NFIX: variants seen among roughly 807,000 people sequenced by gnomAD.
The protein encoded by NFIX is nuclear factor I X.
NFIX carries 2 observed loss-of-function variants against 53.3 expected under a neutral mutation model. The ratio of observed to expected loss-of-function variants is 0.04; its 90% confidence interval spans 0.02 to 0.12. The LOEUF (loss-of-function observed/expected upper bound fraction) is 0.12. NFIX is among the 10% of genes least tolerant of loss of function. NFIX has a pLI of 1.00. For synonymous variants in NFIX, 244 were observed against 289.0 expected, an observed-to-expected ratio of 0.84 and a Z score of 1.58; for missense variants, 310 against 674.5, an observed-to-expected ratio of 0.46 and a Z score of 5.99.
rs542110004 is a variant in NFIX at position 13,081,528 on chromosome 19, T to A, written c.1079-152T>A. 4.4e-4 allele frequency among the ~76,000 whole-genome samples: 67 copies of A among 152,304 alleles called. No individual in the cohort carries two copies. The highest frequency in any genetic ancestry group is 1.2e-3 in the African/African-American group (50 of 41,540). Reference sequence around the variant, plus strand: ...CATGGATCCTGATGACTGACTTTTTTGTGCCGCCTTAACTTTTGTGCCTGT... The same window carrying A: ...CATGGATCCTGATGACTGACTTTTTAGTGCCGCCTTAACTTTTGTGCCTGT... On this transcript the variant is annotated intron_variant, in intron 7 of 10. Transcript: ENST00000592199. The surrounding 1 kb of genome is among the most constrained non-coding windows in gnomAD (Gnocchi z 4.7).
intron 1 of NFIX, among the ~76,000 whole-genome samples, chr19:13,020,400 G>C (rs986548909): frequency 6.6e-5 from 10 of 152,118 alleles, no homozygotes; most frequent in Admixed American, 2.6e-4. Context: ...TAGGAGGGGA[G>C]GAAGGGAGGG....
chr19:13,083,822 A>G (rs1291009482), intron 8 of NFIX, among the ~76,000 whole-genome samples: 1 of 152,242 alleles, frequency 6.6e-6, no homozygotes, highest in Non-Finnish European at 1.5e-5. Context: ...ACTGTGCTAC[A>G]CAAGAGGCTG....
rs757487874 is a variant in NFIX, at chr19:13,022,275, C to T, written c.28-2746C>T. On this transcript the variant is annotated intron_variant, in intron 1 of 10. Transcript: ENST00000592199. This position sits in a 1 kb window ranked among gnomAD's most constrained non-coding sequence, Gnocchi z 4.5. ...GAGCCGAGCTGTGTTGCGTTGGCAT[C>T]CCTCGTCACCGCTAATGGAGTGTGC... is the stretch of plus-strand genomic sequence containing the variant. 1.3e-5 allele frequency among the ~76,000 whole-genome samples: 2 copies of T among 152,088 alleles called. No individual in the cohort carries two copies. Among genetic ancestry groups the T allele is most frequent in the Non-Finnish European group, 2.9e-5 (2 of 68,022 alleles).
intron 8 of NFIX, chr19:13,082,669 A>G (rs2017540203): frequency 6.6e-6 from 1 of 152,130 alleles, no homozygotes; most frequent in African/African-American, 2.4e-5. Flanking sequence ...TGGGCCAGAG[A>G]TGACCCTTCA....
rs959027113 is a variant in NFIX, at chr19:13,049,957, T to C, written c.560-23090T>C. 1.3e-5 allele frequency among the ~76,000 whole-genome samples: 2 copies of C among 152,248 alleles called. No homozygotes were observed. The highest frequency in any genetic ancestry group is 2.9e-5 in the Non-Finnish European group (2 of 68,040). ...GTGCCACATTTTGTTTATCCATTCA[T>C]ACATTGATGGATATTTGGGCTCTTT... On this transcript the variant is annotated intron_variant, in intron 2 of 10. Transcript: ENST00000592199. This position sits in a 1 kb window ranked among gnomAD's most constrained non-coding sequence, Gnocchi z 4.5.
Position 13,093,923 on chromosome 19 carries a change from G to GC in NFIX, c.1495-711dup, listed in dbSNP as rs2018287694. 6.6e-6 allele frequency among the ~76,000 whole-genome samples: 1 copy of GC among 152,154 alleles called. No individual in the cohort carries two copies. The highest frequency in any genetic ancestry group is 1.5e-5 in the Non-Finnish European group (1 of 68,016). On this transcript the variant is annotated intron_variant, in intron 10 of 10. Coordinates refer to ENST00000592199, the MANE Select transcript of NFIX (RefSeq NM_001365902.3). The surrounding 1 kb of genome is among the most constrained non-coding windows in gnomAD (Gnocchi z 4.7). The stretch of plus-strand genomic sequence containing the variant: ...CTCTGAGCTGAGCCACCAGACACAG[G>GC]CAGACAAGACAAGGCCCTGTCTGTG...
At position 13,074,104 on chromosome 19, in the gene NFIX, C is replaced by A. The variant is rs183299715; in HGVS notation, c.818+78C>A. ...GGGCCGTCCCAGTGGCTATAGTCAG[C>A]TGTGTCACTGAGGCTAGGGTGCTTC... is the stretch of plus-strand genomic sequence containing the variant. On this transcript the variant is annotated intron_variant, in intron 5 of 10. Coordinates refer to ENST00000592199, the MANE Select transcript of NFIX (RefSeq NM_001365902.3). 2,901 of 1,569,090 alleles carry A rather than the reference C, an allele frequency of 1.8e-3. 85 individuals carry two copies. The Admixed American group carries it at 0.048, about 26-fold the overall frequency.
At chr19:13,017,202 G>A (rs1363123059) in intron 1 of NFIX, among the ~76,000 whole-genome samples, 2 of 152,152 alleles carry the variant, frequency 1.3e-5, no homozygotes, top group East Asian at 1.9e-4. Flanking sequence ...GGGGAGGGAC[G>A]GAGCGTGGCC....
At chr19:13,074,886 G>A (rs962830366) in intron 5 of NFIX, among the ~76,000 whole-genome samples, 2 of 151,478 alleles carry the variant, frequency 1.3e-5, no homozygotes, top group Admixed American at 6.6e-5. Flanking sequence ...TGGCTAACAC[G>A]GTGAAACCCC....
chr19:13,007,982 C>T lies in NFIX; in HGVS notation c.27+12118C>T, dbSNP rs552175681. On this transcript the variant is annotated intron_variant, in intron 1 of 10. Transcript: ENST00000592199. ...CCTGTGCCTACAGAGACACAGACAT[C>T]ATCCTGTGGCCTAAACACCAGGTAC... Among the ~76,000 whole-genome samples the T allele has an allele frequency of 2.6e-5, 4 of 152,278 alleles. No individual in the cohort carries two copies. In the South Asian group the frequency reaches 8.3e-4, roughly 32 times the overall value.
At chr19:13,048,778 T>G (rs1202660198) in intron 2 of NFIX, among the ~76,000 whole-genome samples, 1 of 152,116 alleles carries the variant, frequency 6.6e-6, no homozygotes, top group African/African-American at 2.4e-5. Context: ...ATTCAGTATT[T>G]TAAAGTGTAC....
intron 7 of NFIX, among the ~76,000 whole-genome samples, chr19:13,080,885 A>G (rs1175364052): frequency 1.3e-5 from 2 of 151,860 alleles, no homozygotes; most frequent in African/African-American, 4.8e-5. Context: ...CTGTAGTCCC[A>G]GCTACTCGGG....
chr19:13,015,885 A>G (rs937123849), intron 1 of NFIX, among the ~76,000 whole-genome samples: 5 of 152,226 alleles, frequency 3.3e-5, no homozygotes, highest in Non-Finnish European at 7.3e-5. Context: ...TTGTGGTCAC[A>G]TGAATAGCAC....
chr19:13,042,241 A>AT (rs1375776076), intron 2 of NFIX, among the ~76,000 whole-genome samples: 17 of 151,366 alleles, frequency 1.1e-4, no homozygotes, highest in African/African-American at 4.1e-4. Flanking sequence ...TTACCCCTAA[A>AT]TTGTCAACTT....
rs571933518 is a variant in NFIX, at chr19:13,043,902, A to C, written c.559+18350A>C. 7.2e-5 allele frequency among the ~76,000 whole-genome samples: 11 copies of C among 152,162 alleles called. No homozygotes were observed. The South Asian group carries it at 2.1e-3, about 29-fold the overall frequency. ...CACTTTGGGAGGCCGATGTGGGAGG[A>C]TCATTTGAGCCCAGGAGTTCGAGCC... is the stretch of plus-strand genomic sequence containing the variant. On this transcript the variant is annotated intron_variant, in intron 2 of 10. Coordinates refer to ENST00000592199, the MANE Select transcript of NFIX (RefSeq NM_001365902.3). This position sits in a 1 kb window ranked among gnomAD's most constrained non-coding sequence, Gnocchi z 4.0.
At position 13,040,224 on chromosome 19, in the gene NFIX, C is replaced by T. The variant is rs976066967; in HGVS notation, c.559+14672C>T. On this transcript the variant is annotated intron_variant, in intron 2 of 10. Transcript: ENST00000592199. This position sits in a 1 kb window ranked among gnomAD's most constrained non-coding sequence, Gnocchi z 4.2. ...GCTGAGTACCTTGTTACAGGGGCTA[C>T]TGCTTGGTGGGCTCAGCCCACCCCA... is the stretch of plus-strand genomic sequence containing the variant. 6.6e-6 allele frequency among the ~76,000 whole-genome samples: 1 copy of T among 152,242 alleles called. No homozygotes were observed. The highest frequency in any genetic ancestry group is 2.4e-5 in the African/African-American group (1 of 41,466).
intron 2 of NFIX, among the ~76,000 whole-genome samples, chr19:13,057,003 A>G (rs906167585): frequency 6.6e-6 from 1 of 152,186 alleles, no homozygotes; most frequent in Non-Finnish European, 1.5e-5. Context: ...CAGAGACTCT[A>G]ACTTTCTGGA....
intron 2 of NFIX, among the ~76,000 whole-genome samples, chr19:13,059,501 G>A (rs926764435): frequency 1.3e-5 from 2 of 152,230 alleles, no homozygotes; most frequent in Non-Finnish European, 1.5e-5. Flanking sequence ...GAATAGAACA[G>A]TCCAGGCAAA....
intron 2 of NFIX, chr19:13,071,191 T>G (rs1027769029): frequency 1.3e-5 from 2 of 152,262 alleles, no homozygotes; most frequent in African/African-American, 4.8e-5. Context: ...GTCCTGAGGT[T>G]GTGCCCTTCC....
Sources: allele counts gnomAD v4.1 joint callset (sites outside exome capture counted in the v4.1 genomes callset), GRCh38; gene constraint gnomAD v4.1.1; non-coding constraint Gnocchi (gnomAD v3.1); transcripts MANE v1.5; gene names NCBI Gene and HGNC (gene_info 2026-07-23, HGNC 2026-07-21).